Variants in LINGO2 observed in about 807,000 individuals in gnomAD.
The protein encoded by LINGO2 is leucine-rich repeat and immunoglobulin-like domain-containing nogo receptor-interacting protein 2.
In LINGO2, 14 loss-of-function variants were observed where a neutral mutation model predicts 30.6. That is an observed-to-expected ratio of 0.46 (90% CI 0.30 to 0.72). The LOEUF is 0.72. Among genes scored for constraint, LINGO2 ranks in the 30% least tolerant of loss-of-function variants. The pLI, the probability that LINGO2 is intolerant of heterozygous loss-of-function variation, is 0.07. For synonymous variants in LINGO2, 317 were observed against 288.5 expected, an observed-to-expected ratio of 1.10 and a Z score of -1.00; for missense variants, 729 against 751.7, an observed-to-expected ratio of 0.97 and a Z score of 0.35.
At chr9:28,200,796 C>T (rs1369485846) in intron 4 of LINGO2, among the ~76,000 whole-genome samples, 3 of 152,036 alleles carry the variant, frequency 2.0e-5, no homozygotes, top group African/African-American at 4.8e-5. Context: ...TTTTTAAAGT[C>T]CAGTGATAAA....
the LINGO2 span, among the ~76,000 whole-genome samples, chr9:28,689,642 G>C: frequency 1.3e-5 from 2 of 150,990 alleles, no homozygotes; most frequent in Non-Finnish European, 2.9e-5. Flanking sequence ...GTGGAAGACA[G>C]TGTGGCAATT....
the LINGO2 span, among the ~76,000 whole-genome samples, chr9:28,797,351 T>TAGAGAGAG: frequency 4.6e-3 from 286 of 62,402 alleles, no homozygotes; most frequent in East Asian, 7.2e-3. Flanking sequence ...TATATATATA[T>TAGAGAGAG]ATATATATAG....
At chr9:28,773,982 T>G in the LINGO2 span, among the ~76,000 whole-genome samples, 48 of 152,058 alleles carry the variant, frequency 3.2e-4, no homozygotes, top group African/African-American at 8.9e-4. Flanking sequence ...AAGGTTAAAC[T>G]TTTTTGATAT....
At chr9:28,043,929 A>G (rs543304185) in intron 4 of LINGO2, among the ~76,000 whole-genome samples, 2 of 152,360 alleles carry the variant, frequency 1.3e-5, no homozygotes, top group East Asian at 1.9e-4. Flanking sequence ...CAAGATCAAA[A>G]TAAGATTGTT....
chr9:28,212,519 A>G (rs1383276573), intron 4 of LINGO2, among the ~76,000 whole-genome samples: 2 of 151,356 alleles, frequency 1.3e-5, no homozygotes, highest in Admixed American at 1.3e-4. Flanking sequence ...TTAGAAAAAA[A>G]TTGTGTATCT....
At chr9:27,985,335 G>C (rs1821074502) in intron 5 of LINGO2, among the ~76,000 whole-genome samples, 1 of 151,820 alleles carries the variant, frequency 6.6e-6, no homozygotes, top group Non-Finnish European at 1.5e-5. Context: ...CCACAACAAG[G>C]CATCAAACAT....
chr9:28,284,186 G>A (rs1823426392), intron 4 of LINGO2, among the ~76,000 whole-genome samples: 1 of 152,102 alleles, frequency 6.6e-6, no homozygotes. Context: ...CTCACTGAGG[G>A]GAAAAGTGAG....
the LINGO2 span, among the ~76,000 whole-genome samples, chr9:28,788,604 G>T: frequency 6.6e-6 from 1 of 152,274 alleles, no homozygotes; most frequent in South Asian, 2.1e-4. Context: ...CAGCATGGCT[G>T]GGGAGGCCTC....
intron 1 of LINGO2, among the ~76,000 whole-genome samples, chr9:28,599,911 T>C (rs1220249949): frequency 1.3e-5 from 2 of 152,170 alleles, no homozygotes; most frequent in Non-Finnish European, 2.9e-5. Context: ...TTACATGGTA[T>C]TTACTGTTTA....
At chr9:28,108,148 C>T (rs1241391187) in intron 4 of LINGO2, among the ~76,000 whole-genome samples, 1 of 152,098 alleles carries the variant, frequency 6.6e-6, no homozygotes, top group Admixed American at 6.6e-5. Context: ...CCTTTGCACT[C>T]GATTCCGAAA....
the LINGO2 span, among the ~76,000 whole-genome samples, chr9:28,925,321 G>A: frequency 2.0e-5 from 3 of 152,172 alleles, no homozygotes; most frequent in Non-Finnish European, 2.9e-5. Context: ...AGCCAGTGAT[G>A]TAACTACATG....
intron 4 of LINGO2, among the ~76,000 whole-genome samples, chr9:28,243,093 T>G (rs1296517776): frequency 6.6e-6 from 1 of 152,142 alleles, no homozygotes; most frequent in Non-Finnish European, 1.5e-5. Context: ...GCTAGCATCA[T>G]GATAACAGAA....
intron 2 of LINGO2, among the ~76,000 whole-genome samples, chr9:28,451,633 T>C (rs536190703): frequency 4.6e-5 from 7 of 151,902 alleles, no homozygotes; most frequent in Non-Finnish European, 5.9e-5. Flanking sequence ...GGGAGCAATA[T>C]TGACAATCTC....
exon 6 of LINGO2, chr9:27,950,332 C>T (rs760441998): frequency 1.2e-6 from 2 of 1,614,036 alleles, no homozygotes; most frequent in East Asian, 2.2e-5. Flanking sequence ...AGACGATTGC[C>T]TTTTAGGCGG....
chr9:28,278,684 G>T (rs190304253), intron 4 of LINGO2, among the ~76,000 whole-genome samples: 1 of 152,278 alleles, frequency 6.6e-6, no homozygotes. Flanking sequence ...CTGTTCAGTG[G>T]CAAGTCAAAT....
intron 2 of LINGO2, among the ~76,000 whole-genome samples, chr9:28,468,048 C>A (rs1825380739): frequency 6.6e-6 from 1 of 151,998 alleles, no homozygotes; most frequent in Non-Finnish European, 1.5e-5. Context: ...GCCCTTTTAT[C>A]CATCACAGAA....
At position 28,474,950 on chromosome 9, in the gene LINGO2, CTTCTT is replaced by C. The variant is rs559733868; in HGVS notation, c.-279+985_-279+989del. ...AAATATAAATCTGTATATTTTCTGT[CTTCTT>C]TTTATCATTTCATTTTTTCTAGCAA... On this transcript the variant is annotated intron_variant, in intron 2 of 5. Transcript: ENST00000379992. Among the ~76,000 whole-genome samples the C allele has an allele frequency of 2.9e-3, 438 of 151,210 alleles. 3 individuals are homozygous for C. Among genetic ancestry groups the C allele is most frequent in the African/African-American group, 9.9e-3 (410 of 41,496 alleles).
At chr9:28,795,885 G>A in the LINGO2 span, among the ~76,000 whole-genome samples, 2 of 151,596 alleles carry the variant, frequency 1.3e-5, no homozygotes, top group African/African-American at 4.8e-5. Flanking sequence ...TTTCTATTAT[G>A]CCTGTGAATC....
At chr9:28,068,837 T>C (rs1229747616) in intron 4 of LINGO2, among the ~76,000 whole-genome samples, 3 of 152,154 alleles carry the variant, frequency 2.0e-5, no homozygotes, top group African/African-American at 7.2e-5. Context: ...CTATGAAGGA[T>C]ACAAATCTAT....
Sources: allele counts gnomAD v4.1 joint callset (sites outside exome capture counted in the v4.1 genomes callset), GRCh38; gene constraint gnomAD v4.1.1; transcripts MANE v1.5; gene names NCBI Gene and HGNC (gene_info 2026-07-23, HGNC 2026-07-21).